PKP4: variants seen among roughly 807,000 people sequenced by gnomAD.
The protein encoded by PKP4 is plakophilin-4.
PKP4 carries 90 observed loss-of-function variants against 145.1 expected under a neutral mutation model. The observed-to-expected ratio is 0.62, with a 90% CI of 0.52 to 0.74. The LOEUF (loss-of-function observed/expected upper bound fraction) is 0.74. PKP4 is among the 30% of genes least tolerant of loss of function. The probability of loss-of-function intolerance (pLI) is 0.00; values close to 1 mark genes in which losing one functional copy is unlikely to be tolerated. For synonymous variants in PKP4, 563 were observed against 577.2 expected (o/e 0.98, Z 0.35); for missense variants, 1,340 against 1,482.7 (o/e 0.90, Z 1.58).
At chr2:158,605,932 T>C (rs570880867) in intron 4 of PKP4, among the ~76,000 whole-genome samples, 3 of 152,202 alleles carry the variant, frequency 2.0e-5, no homozygotes, top group Non-Finnish European at 2.9e-5. Flanking sequence ...CTTGGCATGA[T>C]TTTTTCAAGG....
intron 17 of PKP4, among the ~76,000 whole-genome samples, chr2:158,672,579 C>A (rs991385482): frequency 2.0e-5 from 3 of 152,178 alleles, no homozygotes; most frequent in Admixed American, 2.0e-4. Flanking sequence ...GCCCTGCTCC[C>A]CCAAATCTGT....
intron 1 of PKP4, among the ~76,000 whole-genome samples, chr2:158,466,970 A>G (rs895984925): frequency 2.0e-5 from 3 of 152,242 alleles, no homozygotes; most frequent in African/African-American, 7.2e-5. Flanking sequence ...TTTAAAGCAC[A>G]TGAAGTTTTT....
chr2:158,468,071 A>G (rs761682174), intron 1 of PKP4, among the ~76,000 whole-genome samples: 5 of 152,338 alleles, frequency 3.3e-5, no homozygotes, highest in Middle Eastern at 3.4e-3. Context: ...TATTACAAAT[A>G]GAGTTGCTAT....
chr2:158,649,669 A>G (rs1194920316), intron 11 of PKP4, among the ~76,000 whole-genome samples: 1 of 152,206 alleles, frequency 6.6e-6, no homozygotes, highest in Non-Finnish European at 1.5e-5. Context: ...GCCAAGCACA[A>G]GGAGGCAGTC....
chr2:158,616,438 C>T (rs1046704954), intron 4 of PKP4, among the ~76,000 whole-genome samples: 1 of 152,154 alleles, frequency 6.6e-6, no homozygotes, highest in Non-Finnish European at 1.5e-5. Context: ...GCCCCATGAC[C>T]AGAGAGGAAG....
In PKP4 at chr2:158,631,879, G is replaced by C. The variant is rs1210709571; in HGVS notation, c.1280G>C (p.Ser427Thr). Residue 427 changes from serine to threonine, a missense_variant, in exon 8 of 22, where the codon AGC (serine) becomes ACC (threonine). By Grantham distance (58) the Ser-to-Thr change is moderately conservative (BLOSUM62 1). Transcript: ENST00000389759. ...ACCTATTACAGCCCAGTGTACCGCA[G>C]CCCAAACCATGGAACTGTGGAGCTC... ...GRTYYSPVYR[S>T]PNHGTVELQG... is the part of the protein sequence containing the mutation. 6 of 1,614,160 alleles carry C rather than the reference G, an allele frequency of 3.7e-6. No homozygotes were observed. The highest frequency in any genetic ancestry group is 2.2e-5 in the East Asian group (1 of 44,878).
intron 4 of PKP4, among the ~76,000 whole-genome samples, chr2:158,616,439 A>G (rs79103759): frequency 2.6e-3 from 392 of 152,300 alleles, no homozygotes; most frequent in African/African-American, 8.6e-3. Context: ...CCCCATGACC[A>G]GAGAGGAAGT....
At chr2:158,467,914 T>A (rs1182622031) in intron 1 of PKP4, among the ~76,000 whole-genome samples, 1 of 152,194 alleles carries the variant, frequency 6.6e-6, no homozygotes, top group African/African-American at 2.4e-5. Context: ...TTGGGATATT[T>A]TTTCCCATTT....
At chr2:158,569,999 A>G (rs2047291808) in intron 2 of PKP4, among the ~76,000 whole-genome samples, 1 of 152,208 alleles carries the variant, frequency 6.6e-6, no homozygotes, top group African/African-American at 2.4e-5. Context: ...CCTTTTAACA[A>G]AGGAAGCTAG....
intron 2 of PKP4, among the ~76,000 whole-genome samples, chr2:158,565,724 A>C (rs770339510): frequency 3.3e-5 from 5 of 152,104 alleles, no homozygotes; most frequent in Non-Finnish European, 7.4e-5. Context: ...CTGAGGTTGG[A>C]CGCAGCCTGT....
Position 158,577,258 on chromosome 2 carries a change from T to C in PKP4, c.133-13T>C. ...TTGGCGCCTTATATGCCTTTTATTT[T>C]CTTGAATCACAGGAGCTTCAGTTTC... On this transcript the variant is annotated splice_polypyrimidine_tract_variant and intron_variant, in intron 2 of 21. Coordinates refer to ENST00000389759, the MANE Select transcript of PKP4 (RefSeq NM_003628.6). The C allele has an allele frequency of 6.3e-7, 1 of 1,590,456 alleles. No individual in the cohort carries two copies. Among genetic ancestry groups the C allele is most frequent in the African/African-American group, 1.3e-5 (1 of 74,244 alleles).
At position 158,458,946 on chromosome 2, in the gene PKP4, AT is replaced by A. The variant is rs201971482; in HGVS notation, c.-6+1729del. On this transcript the variant is annotated intron_variant, in intron 1 of 21. Transcript: ENST00000389759. ...TACTGAGTTTGACTGAAAAAAAAAA[AT>A]AAATGCTGCCCTACAAGTTTTAAAG... Among the ~76,000 whole-genome samples, 334 of 151,414 alleles carry A rather than the reference AT, an allele frequency of 2.2e-3. 2 individuals carry two copies. Among genetic ancestry groups the A allele is most frequent in the Middle Eastern group, 3.4e-3 (1 of 292 alleles).
chr2:158,593,708 A>G (rs550818228), intron 3 of PKP4, among the ~76,000 whole-genome samples: 1 of 152,306 alleles, frequency 6.6e-6, no homozygotes, highest in African/African-American at 2.4e-5. Context: ...GCTGATCATG[A>G]TATTGTTTAT....
At chr2:158,591,218 G>A (rs904485395) in intron 3 of PKP4, among the ~76,000 whole-genome samples, 4 of 151,976 alleles carry the variant, frequency 2.6e-5, no homozygotes, top group African/African-American at 9.7e-5. Context: ...CCTTGTTTTG[G>A]TCCTGATTTA....
At chr2:158,482,517 G>A (rs960369269) in intron 1 of PKP4, among the ~76,000 whole-genome samples, 2 of 152,098 alleles carry the variant, frequency 1.3e-5, no homozygotes, top group Non-Finnish European at 2.9e-5. Flanking sequence ...TTTAACCCAC[G>A]TTATCTTAAA....
chr2:158,594,182 A>G (rs1364052184), intron 3 of PKP4, among the ~76,000 whole-genome samples: 1 of 152,180 alleles, frequency 6.6e-6, no homozygotes, highest in Non-Finnish European at 1.5e-5. Context: ...GGATTGACGC[A>G]GAGCCTCACT....
chr2:158,562,342 G>A (rs1473376280), intron 2 of PKP4, among the ~76,000 whole-genome samples: 2 of 152,158 alleles, frequency 1.3e-5, no homozygotes, highest in Admixed American at 6.5e-5. Flanking sequence ...AGTAAATTCT[G>A]TAAACCTTGA....
intron 1 of PKP4, among the ~76,000 whole-genome samples, chr2:158,516,145 A>T (rs1447968113): frequency 6.6e-6 from 1 of 150,640 alleles, no homozygotes; most frequent in African/African-American, 2.5e-5. Flanking sequence ...GATTTCTCGG[A>T]GTCTTTATGA....
Position 158,673,871 on chromosome 2 carries a change from T to G in PKP4, c.3010-12T>G. On this transcript the variant is annotated splice_polypyrimidine_tract_variant and intron_variant, in intron 18 of 21. Transcript: ENST00000389759. ...TCATTTTGAGAGGTTTCTTTTTCTC[T>G]TAACTCTGCAGGATGGGTGGAATCA... 6.3e-7 allele frequency: 1 copy of G among 1,574,944 alleles called. No homozygotes were observed. The highest frequency in any genetic ancestry group is 8.7e-7 in the Non-Finnish European group (1 of 1,144,178).
Sources: gnomAD v4.1 joint callset for allele counts (sites outside exome capture counted in the v4.1 genomes callset) on GRCh38, gnomAD v4.1.1 for gene constraint, MANE v1.5 for transcripts, NCBI Gene and HGNC (gene_info 2026-07-23, HGNC 2026-07-21) for gene names.